APBA1: variants seen among roughly 807,000 people sequenced by gnomAD.
The protein encoded by APBA1 is amyloid beta precursor protein binding family A member 1.
APBA1 carries 55 observed loss-of-function variants against 86.6 expected under a neutral mutation model. The ratio of observed to expected loss-of-function variants is 0.64; its 90% confidence interval spans 0.51 to 0.80. The LOEUF is 0.80. APBA1 is among the 30% of genes least tolerant of loss of function. The probability of loss-of-function intolerance (pLI) is 0.00; values close to 1 mark genes in which losing one functional copy is unlikely to be tolerated. For missense variants in APBA1, 1,090 were observed against 1,183.0 expected (o/e 0.92, Z 1.15); for synonymous variants, 511 against 493.9 (o/e 1.03, Z -0.46).
Position 69,516,472 on chromosome 9 carries a change from C to A in APBA1, c.739G>T (p.Asp247Tyr). Residue 247 changes from aspartate to tyrosine, a missense_variant, in exon 2 of 13, where the codon GAC becomes TAC. This residue lies in a region of APBA1 where 678 missense variants were observed against 647.1 expected (regional missense o/e 1.05). Coordinates refer to ENST00000265381, the MANE Select transcript of APBA1 (RefSeq NM_001163.4). The surrounding 1 kb of genome is among the most constrained non-coding windows in gnomAD (Gnocchi z 7.3). The stretch of plus-strand genomic sequence containing the variant: ...AACTCGGCCTCCTTCTCGGGGCTGT[C>A]GGACTCGCCGTCGGAGCGCTCGTCG... ...HYDERSDGES[D>Y]SPEKEAEFAP... 1.2e-6 allele frequency: 2 copies of A among 1,601,282 alleles called. No individual in the cohort carries two copies. Among genetic ancestry groups the A allele is most frequent in the Non-Finnish European group, 1.7e-6 (2 of 1,178,422 alleles).
chr9:69,445,017 C>G (rs558260455), intron 10 of APBA1, among the ~76,000 whole-genome samples: 32 of 152,322 alleles, frequency 2.1e-4, no homozygotes, highest in African/African-American at 7.5e-4. Context: ...TTGTTGGAAT[C>G]TCAACCCTTC....
intron 1 of APBA1, among the ~76,000 whole-genome samples, chr9:69,658,304 C>CTCTTTCTTTCTTTCTT (rs202185776): frequency 3.7e-4 from 30 of 80,034 alleles, no homozygotes; most frequent in East Asian, 2.7e-3. Context: ...TTCTCTCTCT[C>CTCTTTCTTTCTTTCTT]TCTTTCTTTC....
chr9:69,665,108 A>C (rs549363961), intron 1 of APBA1, among the ~76,000 whole-genome samples: 2 of 152,160 alleles, frequency 1.3e-5, no homozygotes, highest in East Asian at 1.9e-4. Flanking sequence ...TGCTCAGGCT[A>C]ATCTTAGCAG....
chr9:69,652,330 G>A (rs1316723091), intron 1 of APBA1, among the ~76,000 whole-genome samples: 10 of 152,112 alleles, frequency 6.6e-5, no homozygotes, highest in East Asian at 1.9e-4. Flanking sequence ...TCTGACTCTC[G>A]CTGGGAGAAA....
chr9:69,636,922 G>GGAA (rs1331913719), intron 1 of APBA1, among the ~76,000 whole-genome samples: 1 of 63,970 alleles, frequency 1.6e-5, no homozygotes, highest in African/African-American at 6.7e-5. Flanking sequence ...AAGGAAGGAA[G>GGAA]GAAAGAAAGA....
At chr9:69,640,887 A>G (rs1159949718) in intron 1 of APBA1, among the ~76,000 whole-genome samples, 1 of 151,684 alleles carries the variant, frequency 6.6e-6, no homozygotes, top group Non-Finnish European at 1.5e-5. Flanking sequence ...TGGTGGTCCT[A>G]GCCCATGTAA....
At chr9:69,520,365 AT>A (rs1216549162) in intron 1 of APBA1, among the ~76,000 whole-genome samples, 1 of 152,190 alleles carries the variant, frequency 6.6e-6, no homozygotes, top group Non-Finnish European at 1.5e-5. Context: ...GGCAAGATGA[AT>A]TAAATTCTTC....
intron 11 of APBA1, among the ~76,000 whole-genome samples, chr9:69,436,606 G>T (rs1834727145): frequency 6.9e-6 from 1 of 145,030 alleles, no homozygotes; most frequent in African/African-American, 2.6e-5. Flanking sequence ...GAATGCTTGT[G>T]ATTTTTGCAC....
chr9:69,484,049 G>A (rs1367335815), intron 2 of APBA1, among the ~76,000 whole-genome samples: 1 of 152,018 alleles, frequency 6.6e-6, no homozygotes, highest in Non-Finnish European at 1.5e-5. Flanking sequence ...TTTCCCCCAA[G>A]TAATTTTCTG....
At chr9:69,487,043 A>T (rs1050124815) in intron 2 of APBA1, among the ~76,000 whole-genome samples, 2 of 151,918 alleles carry the variant, frequency 1.3e-5, no homozygotes, top group African/African-American at 2.4e-5. Context: ...AAGTAGGAAA[A>T]GTGGATAGGA....
chr9:69,655,975 T>C (rs923847126), intron 1 of APBA1, among the ~76,000 whole-genome samples: 12 of 152,244 alleles, frequency 7.9e-5, no homozygotes, highest in Non-Finnish European at 1.3e-4. Context: ...GATTATACAA[T>C]GTGCACATGT....
chr9:69,503,348 CTCT>C (rs985246837), intron 2 of APBA1, among the ~76,000 whole-genome samples: 3 of 152,058 alleles, frequency 2.0e-5, no homozygotes, highest in African/African-American at 7.3e-5. Flanking sequence ...CATGGTCCCG[CTCT>C]TCTAATCTTT....
intron 4 of APBA1, among the ~76,000 whole-genome samples, chr9:69,469,803 A>C (rs966769132): frequency 6.6e-6 from 1 of 152,236 alleles, no homozygotes; most frequent in Non-Finnish European, 1.5e-5. Context: ...CTGGTGATGC[A>C]TTTATAGTGT....
chr9:69,613,849 T>G (rs1324388331), intron 1 of APBA1, among the ~76,000 whole-genome samples: 2 of 152,240 alleles, frequency 1.3e-5, no homozygotes, highest in Non-Finnish European at 2.9e-5. Context: ...GGACACACAC[T>G]CTTCCTGTGT....
chr9:69,475,906 C>T (rs1835436881), intron 3 of APBA1, 142 bp downstream of exon 3: 1 of 703,390 alleles, frequency 1.4e-6, no homozygotes, highest in African/African-American at 1.8e-5. Context: ...GTGAACTGCA[C>T]ACTGGAGAGG....
rs1383963519 is a variant in APBA1 at position 69,489,704 on chromosome 9, G to T, written c.1201-13561C>A. On this transcript the variant is annotated intron_variant, in intron 2 of 12. Coordinates refer to ENST00000265381, the MANE Select transcript of APBA1 (RefSeq NM_001163.4). Reference sequence around the variant, plus strand: ...CTTCTCAAATGAAGACATTTATGCAGCCAAAAAACACATGAAAAAATGCTC... The same window carrying T: ...CTTCTCAAATGAAGACATTTATGCATCCAAAAAACACATGAAAAAATGCTC... Among the ~76,000 whole-genome samples the T allele has an allele frequency of 2.2e-5, 3 of 139,480 alleles. No homozygotes were observed. In the South Asian group the frequency reaches 6.2e-4, roughly 29 times the overall value. The allele number at this position is 139,480 out of a possible 152,430, so 91.5% of individuals were successfully genotyped here. A position where few individuals can be genotyped will look rare whatever the true frequency, so the allele number is the denominator to read the frequency against.
At chr9:69,475,604 A>G (rs1197487766) in intron 3 of APBA1, among the ~76,000 whole-genome samples, 1 of 152,204 alleles carries the variant, frequency 6.6e-6, no homozygotes, top group Non-Finnish European at 1.5e-5. Context: ...GGCCTGAAAT[A>G]AAGGGTATTT....
rs1206651875 is a variant in APBA1 at position 69,471,661 on chromosome 9, A to G, written c.1331T>C (p.Val444Ala). 5.0e-6 allele frequency: 8 copies of G among 1,613,588 alleles called. No individual in the cohort carries two copies. The highest frequency in any genetic ancestry group is 4.4e-5 in the South Asian group (4 of 91,060). The change falls in exon 4 of 13, where the codon GTT (valine) becomes GCT (alanine). Residue 444 changes from valine (V) to alanine (A), a missense_variant. Physicochemically the swap from Val to Ala is moderately conservative, Grantham distance 64 (BLOSUM62 0). Around this residue, in one of 6 missense-constraint regions of APBA1, gnomAD observed 76 missense variants for 122.2 expected, o/e 0.62. Coordinates refer to ENST00000265381, the MANE Select transcript of APBA1 (RefSeq NM_001163.4). ...RKSLASFPTY[V>A]EVPGPCDPED... ...ATTTTCTTTTCAGCTCTTACCTTCA[A>G]CGTAGGTTGGGAATGAAGCCAAGCT...
intron 1 of APBA1, among the ~76,000 whole-genome samples, chr9:69,642,328 A>G (rs576610917): frequency 1.2e-4 from 19 of 152,368 alleles, no homozygotes; most frequent in Non-Finnish European, 2.4e-4. Context: ...GCTTTAGTAC[A>G]GAAAAGATAT....
Sources: allele counts gnomAD v4.1 joint callset (sites outside exome capture counted in the v4.1 genomes callset), GRCh38; gene constraint gnomAD v4.1.1; regional missense constraint gnomAD v4.1.1; non-coding constraint Gnocchi (gnomAD v3.1); transcripts MANE v1.5; gene names NCBI Gene and HGNC (gene_info 2026-07-23, HGNC 2026-07-21).